The following SLC16A7 variants were observed in gnomAD, a reference collection of about 807,000 sequenced individuals.
The protein encoded by SLC16A7 is monocarboxylate transporter 2.
A neutral mutation model predicts 34.9 loss-of-function variants in SLC16A7; 33 were observed. The ratio of observed to expected loss-of-function variants is 0.94; its 90% confidence interval spans 0.72 to 1.26. The LOEUF is 1.26. Ranked by LOEUF, SLC16A7 falls within the 50% of genes most tolerant of loss-of-function variation. The probability of loss-of-function intolerance (pLI) is 0.00; values close to 1 mark genes in which losing one functional copy is unlikely to be tolerated. For synonymous variants in SLC16A7, 201 were observed against 206.6 expected (o/e 0.97, Z 0.23); for missense variants, 573 against 578.1 (o/e 0.99, Z 0.09).
chr12:59,762,673 T>G (rs1881144533), intron 3 of SLC16A7, among the ~76,000 whole-genome samples: 1 of 152,042 alleles, frequency 6.6e-6, no homozygotes, highest in Non-Finnish European at 1.5e-5. Context: ...TCTGGTTAAG[T>G]ACAGCATGAC....
At chr12:59,719,937 A>T (rs1326828718) in intron 3 of SLC16A7, 4 of 583,710 alleles carry the variant, frequency 6.9e-6, no homozygotes, top group African/African-American at 3.9e-5. Flanking sequence ...AACCTTAGCT[A>T]TTATAAACAT....
rs187021402 is a variant in SLC16A7 at position 59,779,519 on chromosome 12, C to T, written c.1277C>T (p.Ala426Val). 1.4e-5 allele frequency: 22 copies of T among 1,612,722 alleles called. No individual in the cohort carries two copies. The East Asian group carries it at 3.8e-4, about 28-fold the overall frequency. ...AASVWLLIGN[A>V]INYRLLAKER... ...AGCGTGTGGCTGCTCATTGGCAATG[C>T]TATCAACTATAGATTGCTTGCAAAG... The change falls in exon 6 of 6, where the codon GCT becomes GTT. Residue 426 changes from alanine to valine, a missense_variant. Ala to Val is a moderately conservative substitution (Grantham distance 64, BLOSUM62 0). Transcript: ENST00000547379.
At chr12:59,669,307 A>G (rs1265165956) in intron 2 of SLC16A7, among the ~76,000 whole-genome samples, 1 of 152,222 alleles carries the variant, frequency 6.6e-6, no homozygotes, top group Admixed American at 6.5e-5. Context: ...ATTATTTTCC[A>G]TGATGTTAAA....
chr12:59,644,891 G>A (rs1413414570), intron 1 of SLC16A7, among the ~76,000 whole-genome samples: 2 of 152,178 alleles, frequency 1.3e-5, no homozygotes, highest in African/African-American at 2.4e-5. Context: ...ATTAGAAAGT[G>A]GTTGAAATGA....
chr12:59,699,397 A>G (rs566268480), intron 2 of SLC16A7, among the ~76,000 whole-genome samples: 4 of 151,850 alleles, frequency 2.6e-5, no homozygotes, highest in Admixed American at 1.3e-4. Context: ...TAAAACTACA[A>G]TGAATTTTTT....
intron 3 of SLC16A7, among the ~76,000 whole-genome samples, chr12:59,709,902 G>A (rs1592547325): frequency 6.6e-6 from 1 of 151,598 alleles, no homozygotes; most frequent in South Asian, 2.1e-4. Flanking sequence ...ATAAGCGGAA[G>A]GACATCTGTC....
intron 3 of SLC16A7, among the ~76,000 whole-genome samples, chr12:59,721,588 G>C (rs1795896): frequency 0.43 from 65,053 of 151,714 alleles, 15,310 homozygotes; most frequent in African/African-American, 0.63. Flanking sequence ...CACAACCATA[G>C]TTATGTCCTT....
intron 2 of SLC16A7, among the ~76,000 whole-genome samples, chr12:59,666,821 T>C (rs1159429017): frequency 6.6e-6 from 1 of 152,164 alleles, no homozygotes; most frequent in Non-Finnish European, 1.5e-5. Flanking sequence ...AAATTGGTGC[T>C]GAAAGAGTGG....
At chr12:59,668,702 A>T (rs758211469) in intron 2 of SLC16A7, among the ~76,000 whole-genome samples, 3 of 152,134 alleles carry the variant, frequency 2.0e-5, no homozygotes, top group Non-Finnish European at 4.4e-5. Context: ...GGAAGGCATG[A>T]TGGGTTTTAA....
chr12:59,699,663 T>C (rs914465562), intron 2 of SLC16A7, among the ~76,000 whole-genome samples: 1 of 151,806 alleles, frequency 6.6e-6, no homozygotes, highest in Admixed American at 6.6e-5. Flanking sequence ...CATATAGATA[T>C]AGATACATAC....
At chr12:59,651,903 C>A (rs1868348811) in intron 1 of SLC16A7, among the ~76,000 whole-genome samples, 1 of 152,056 alleles carries the variant, frequency 6.6e-6, no homozygotes, top group South Asian at 2.1e-4. Flanking sequence ...GTTATTTTGG[C>A]TTTATTACTA....
intron 2 of SLC16A7, among the ~76,000 whole-genome samples, chr12:59,704,477 A>G (rs1410836434): frequency 6.6e-6 from 1 of 152,090 alleles, no homozygotes; most frequent in Non-Finnish European, 1.5e-5. Context: ...CTGATGTATA[A>G]TGTAAAATGG....
intron 3 of SLC16A7, among the ~76,000 whole-genome samples, chr12:59,724,415 T>G (rs2137216267): frequency 6.6e-6 from 1 of 152,176 alleles, no homozygotes; most frequent in South Asian, 2.1e-4. Context: ...TATGTCAATA[T>G]AGATAATAAA....
chr12:59,735,154 A>T (rs1027072856), intron 3 of SLC16A7, among the ~76,000 whole-genome samples: 2 of 152,224 alleles, frequency 1.3e-5, no homozygotes, highest in African/African-American at 4.8e-5. Context: ...GTTCCTAAAA[A>T]GCCGCTTTGA....
intron 3 of SLC16A7, among the ~76,000 whole-genome samples, chr12:59,770,476 C>T (rs984904079): frequency 6.6e-6 from 1 of 152,114 alleles, no homozygotes; most frequent in Non-Finnish European, 1.5e-5. Context: ...TGTCAAAAAT[C>T]AGGATTTATA....
intron 3 of SLC16A7, chr12:59,761,266 G>A (rs1181150966): frequency 3.0e-6 from 2 of 676,424 alleles, no homozygotes; most frequent in African/African-American, 1.9e-5. Flanking sequence ...TTCATCTTCT[G>A]TTTTAGAAGC....
chr12:59,748,472 C>T (rs1025671371), intron 3 of SLC16A7, among the ~76,000 whole-genome samples: 11 of 152,110 alleles, frequency 7.2e-5, no homozygotes, highest in African/African-American at 2.7e-4. Context: ...GTTCTTTCCT[C>T]TAGTAAATTA....
At chr12:59,659,421 C>T (rs1273380427) in intron 2 of SLC16A7, among the ~76,000 whole-genome samples, 1 of 152,006 alleles carries the variant, frequency 6.6e-6, no homozygotes, top group Non-Finnish European at 1.5e-5. Flanking sequence ...TAGCTTCCCA[C>T]CTTTGGTACC....
At chr12:59,749,877 A>T (rs1381780151) in intron 3 of SLC16A7, among the ~76,000 whole-genome samples, 1 of 152,228 alleles carries the variant, frequency 6.6e-6, no homozygotes, top group African/African-American at 2.4e-5. Context: ...CAGAGTAATT[A>T]GTAGAAGCTG....
Sources: gnomAD v4.1 joint callset for allele counts (sites outside exome capture counted in the v4.1 genomes callset) on GRCh38, gnomAD v4.1.1 for gene constraint, MANE v1.5 for transcripts, NCBI Gene and HGNC (gene_info 2026-07-23, HGNC 2026-07-21) for gene names.